Variants in ANK3 observed in about 807,000 individuals in gnomAD.
ANK3 encodes ankyrin 3.
Under a neutral mutation model 370.9 loss-of-function variants are expected in ANK3, and 57 were observed. That is an observed-to-expected ratio of 0.15 (90% CI 0.12 to 0.19). ANK3 has a LOEUF of 0.19. ANK3 is among the 10% of genes least tolerant of loss of function. The pLI, the probability that ANK3 is intolerant of heterozygous loss-of-function variation, is 1.00. For synonymous variants in ANK3, 1,929 were observed against 1,946.3 expected, an observed-to-expected ratio of 0.99 and a Z score of 0.23; for missense variants, 4,439 against 5,302.1, an observed-to-expected ratio of 0.84 and a Z score of 5.06.
intron 1 of ANK3, among the ~76,000 whole-genome samples, chr10:60,346,501 T>C (rs2055531679): frequency 1.3e-5 from 2 of 152,116 alleles, no homozygotes; most frequent in Admixed American, 1.3e-4. Flanking sequence ...ATATTATTTT[T>C]CCTACTAAAT....
At chr10:60,303,096 A>G (rs574353000) in intron 1 of ANK3, among the ~76,000 whole-genome samples, 1 of 152,370 alleles carries the variant, frequency 6.6e-6, no homozygotes, top group South Asian at 2.1e-4. Context: ...ACCCCAAACC[A>G]TGAAACTATA....
intron 23 of ANK3, among the ~76,000 whole-genome samples, chr10:60,152,756 C>A (rs1394881372): frequency 6.6e-6 from 1 of 152,084 alleles, no homozygotes; most frequent in Non-Finnish European, 1.5e-5. Context: ...TAAACACCAT[C>A]CAGGTGAAGA....
At chr10:60,270,590 C>A (rs2097958247) in intron 4 of ANK3, among the ~76,000 whole-genome samples, 1 of 152,098 alleles carries the variant, frequency 6.6e-6, no homozygotes. Flanking sequence ...TTACTAGATG[C>A]TATGAGACTA....
chr10:60,527,390 T>C (rs984316227), intron 2 of ANK3, among the ~76,000 whole-genome samples: 51 of 152,054 alleles, frequency 3.4e-4, no homozygotes, highest in Non-Finnish European at 2.9e-5. Context: ...TAGTCCATAT[T>C]GATTGCAGGA....
In ANK3 at chr10:60,068,860, G is replaced by C. The variant is rs199643813; in HGVS notation, c.12021C>G (p.Thr4007=). The C allele has an allele frequency of 1.2e-6, 2 of 1,614,084 alleles. No individual in the cohort carries two copies. Among genetic ancestry groups the C allele is most frequent in the East Asian group, 4.5e-5 (2 of 44,876 alleles). The change falls in exon 37 of 44, where the codon ACC becomes ACG. Residue 4007 remains threonine, a synonymous_variant. Coordinates refer to ENST00000280772, the MANE Select transcript of ANK3 (RefSeq NM_020987.5). The part of the protein sequence containing the change: ...IEYFKGISGE[T]LKLVDRLSEE... ...CAGAGAGGCGGTCCACAAGCTTTAA[G>C]GTCTCACCACTAATTCCCTTAAAAT...
chr10:60,159,411 C>A (rs1259189060), intron 23 of ANK3, among the ~76,000 whole-genome samples: 2 of 151,998 alleles, frequency 1.3e-5, no homozygotes, highest in East Asian at 3.9e-4. Flanking sequence ...TGCTGGAGCA[C>A]CCGTATATAT....
At chr10:60,690,658 T>C (rs1297789965) in intron 1 of ANK3, among the ~76,000 whole-genome samples, 1 of 151,928 alleles carries the variant, frequency 6.6e-6, no homozygotes, top group East Asian at 1.9e-4. Flanking sequence ...TGGACAAATC[T>C]AGGGCTGCTG....
At chr10:60,224,857 G>T (rs940815191) in intron 8 of ANK3, among the ~76,000 whole-genome samples, 6 of 151,476 alleles carry the variant, frequency 4.0e-5, no homozygotes, top group Admixed American at 2.0e-4. Flanking sequence ...AAACTAAAGG[G>T]CATCACTTAC....
intron 1 of ANK3, among the ~76,000 whole-genome samples, chr10:60,326,886 T>TG (rs71015789): frequency 0.74 from 112,787 of 151,732 alleles, 42,101 homozygotes; most frequent in South Asian, 0.92. Flanking sequence ...TCGGGTGCGG[T>TG]GCGGGCGCCT....
At chr10:60,167,656 GT>G (rs139178305) in intron 21 of ANK3, among the ~76,000 whole-genome samples, 11,133 of 146,866 alleles carry the variant, frequency 0.076, 1,059 homozygotes, top group African/African-American at 0.23. Context: ...TTAAAAGTGA[GT>G]TTTTTTTTTG....
upstream of ANK3, among the ~76,000 whole-genome samples, chr10:60,390,709 T>G (rs920221108): frequency 7.0e-6 from 1 of 142,422 alleles, no homozygotes. Flanking sequence ...CTAAAACATA[T>G]GAGACCTAGT....
At chr10:60,568,384 C>T (rs777785893) in intron 2 of ANK3, among the ~76,000 whole-genome samples, 12 of 152,178 alleles carry the variant, frequency 7.9e-5, no homozygotes, top group Non-Finnish European at 1.8e-4. Context: ...TGTGCATTGC[C>T]TTTTTAGACA....
intron 2 of ANK3, among the ~76,000 whole-genome samples, chr10:60,516,953 CA>C (rs1272225399): frequency 6.6e-6 from 1 of 152,032 alleles, no homozygotes; most frequent in African/African-American, 2.4e-5. Context: ...ACTGTAGAGC[CA>C]CGTTCCATGG....
intron 2 of ANK3, among the ~76,000 whole-genome samples, chr10:60,395,736 G>A (rs2063224836): frequency 1.3e-5 from 2 of 151,902 alleles, no homozygotes; most frequent in Non-Finnish European, 2.9e-5. Flanking sequence ...GCTCATGGAC[G>A]TGTTCCCTCA....
At chr10:60,464,795 C>T (rs761319035) in intron 2 of ANK3, among the ~76,000 whole-genome samples, 9 of 152,264 alleles carry the variant, frequency 5.9e-5, no homozygotes, top group South Asian at 2.1e-4. Flanking sequence ...ATTCTATGCT[C>T]ATGATATTAA....
chr10:60,644,529 A>T (rs10761534), intron 1 of ANK3, among the ~76,000 whole-genome samples: 1 of 151,126 alleles, frequency 6.6e-6, no homozygotes, highest in Non-Finnish European at 1.5e-5. Context: ...AAAAGTACCA[A>T]TTTTTCTATT....
chr10:60,623,000 C>A (rs543921816), intron 1 of ANK3, among the ~76,000 whole-genome samples: 70 of 152,326 alleles, frequency 4.6e-4, no homozygotes, highest in Middle Eastern at 3.4e-3. Flanking sequence ...CCATACAGAA[C>A]TTAAGAGGGC....
At chr10:60,436,668 T>C (rs956179653) in intron 2 of ANK3, among the ~76,000 whole-genome samples, 2 of 152,224 alleles carry the variant, frequency 1.3e-5, no homozygotes, top group Non-Finnish European at 2.9e-5. Flanking sequence ...CTTTGTATCA[T>C]TGAGTTGCAA....
chr10:60,642,607 G>T lies in ANK3; in HGVS notation c.58-27383C>A, dbSNP rs539689538. On this transcript the variant is annotated intron_variant, in intron 1 of 43. Coordinates refer to the ANK3 transcript ENST00000373827. ...TGAGATCACATGGACACAGGAAGGGGAACATCACACTCTGAGGACTGTTGT... is the reference window on the plus strand; with the variant it reads ...TGAGATCACATGGACACAGGAAGGGTAACATCACACTCTGAGGACTGTTGT... Among the ~76,000 whole-genome samples the T allele has an allele frequency of 2.0e-3, 281 of 138,062 alleles. 2 individuals are homozygous for T. Among genetic ancestry groups the T allele is most frequent in the African/African-American group, 6.9e-3 (267 of 38,724 alleles). 90.6% of individuals were successfully genotyped at this position (138,062 alleles called of 152,430 possible).
Sources: allele counts gnomAD v4.1 joint callset (sites outside exome capture counted in the v4.1 genomes callset), GRCh38; gene constraint gnomAD v4.1.1; transcripts MANE v1.5; gene names NCBI Gene and HGNC (gene_info 2026-07-23, HGNC 2026-07-21).